CSMD1: variants seen among roughly 807,000 people sequenced by gnomAD.
CSMD1 encodes the protein CUB and Sushi multiple domains 1, also known as CUB and sushi domain-containing protein 1.
Under a neutral mutation model 417.5 loss-of-function variants are expected in CSMD1, and 213 were observed. That is an observed-to-expected ratio of 0.51 (90% CI 0.46 to 0.57). CSMD1 has a LOEUF of 0.57. Ranked by LOEUF, CSMD1 falls within the 20% of genes least tolerant of loss-of-function variation. The pLI is 0.00. For synonymous variants in CSMD1, 2,862 were observed against 1,736.8 expected, an observed-to-expected ratio of 1.65 and a Z score of -16.11; for missense variants, 6,923 against 4,529.7, an observed-to-expected ratio of 1.53 and a Z score of -15.17.
intron 19 of CSMD1, among the ~76,000 whole-genome samples, chr8:3,368,683 T>A (rs11136613): frequency 0.44 from 67,074 of 151,932 alleles, 14,834 homozygotes; most frequent in Admixed American, 0.53. Flanking sequence ...CAGAAAAAAG[T>A]TTCAGGCTAC....
In CSMD1 at chr8:4,907,628, T is replaced by C. The variant is rs1056920896; in HGVS notation, c.85+86704A>G. Among the ~76,000 whole-genome samples the C allele has an allele frequency of 9.2e-5, 14 of 152,248 alleles. 1 individual carries two copies. The South Asian group carries it at 2.1e-3, about 23-fold the overall frequency. On this transcript the variant is annotated intron_variant, in intron 1 of 69. Coordinates refer to ENST00000635120, the MANE Select transcript of CSMD1 (RefSeq NM_033225.6). The stretch of plus-strand genomic sequence containing the variant: ...AAGCTGAAGTGCAGTGGCAAAAACA[T>C]GGCTCACTGCAGCCTCAATTTTCCA...
chr8:2,988,122 A>C (rs1806081421), intron 54 of CSMD1, among the ~76,000 whole-genome samples: 1 of 152,130 alleles, frequency 6.6e-6, no homozygotes, highest in African/African-American at 2.4e-5. Context: ...CTATTTTAAC[A>C]TTTTGAGAAT....
intron 26 of CSMD1, among the ~76,000 whole-genome samples, chr8:3,257,299 G>A (rs980143292): frequency 2.6e-5 from 4 of 152,182 alleles, no homozygotes; most frequent in Non-Finnish European, 2.9e-5. Flanking sequence ...ACTCCAGCCC[G>A]CGCTATAAGA....
At chr8:3,508,931 C>T (rs1312381560) in intron 10 of CSMD1, among the ~76,000 whole-genome samples, 1 of 152,140 alleles carries the variant, frequency 6.6e-6, no homozygotes, top group Non-Finnish European at 1.5e-5. Flanking sequence ...TTTTAAAAGT[C>T]TGAGAACTTA....
intron 3 of CSMD1, among the ~76,000 whole-genome samples, chr8:4,149,171 C>G (rs1209413164): frequency 6.6e-6 from 1 of 152,088 alleles, no homozygotes; most frequent in Admixed American, 6.6e-5. Flanking sequence ...CCCATGTTGG[C>G]TAGGCTGGTC....
intron 5 of CSMD1, among the ~76,000 whole-genome samples, chr8:3,755,614 T>G (rs1337366648): frequency 6.6e-6 from 1 of 152,118 alleles, no homozygotes. Context: ...GGGTCACCTG[T>G]GTAGAGAGCA....
At chr8:3,471,105 G>A (rs1012026072) in intron 11 of CSMD1, among the ~76,000 whole-genome samples, 3 of 152,116 alleles carry the variant, frequency 2.0e-5, no homozygotes, top group Non-Finnish European at 4.4e-5. Flanking sequence ...TTTTTCCCCA[G>A]ACTGTTTGTA....
intron 3 of CSMD1, among the ~76,000 whole-genome samples, chr8:4,069,578 T>C (rs573142705): frequency 6.6e-6 from 1 of 152,176 alleles, no homozygotes; most frequent in Non-Finnish European, 1.5e-5. Context: ...TCCATGCAGA[T>C]GTATCTTGGG....
intron 5 of CSMD1, among the ~76,000 whole-genome samples, chr8:3,970,935 G>C (rs956618187): frequency 2.0e-5 from 3 of 152,046 alleles, no homozygotes; most frequent in Non-Finnish European, 4.4e-5. Flanking sequence ...ATTTTTAGTG[G>C]AGATGAGGTT....
At chr8:3,398,192 T>A (rs1339796046) in intron 16 of CSMD1, among the ~76,000 whole-genome samples, 1 of 152,188 alleles carries the variant, frequency 6.6e-6, no homozygotes, top group African/African-American at 2.4e-5. Flanking sequence ...GATACGCTGC[T>A]GGGAGTCAGG....
At chr8:4,740,233 T>G (rs1810517833) in intron 1 of CSMD1, among the ~76,000 whole-genome samples, 1 of 152,190 alleles carries the variant, frequency 6.6e-6, no homozygotes, top group African/African-American at 2.4e-5. Context: ...TCTTAGAATC[T>G]CTATGTGCAA....
intron 46 of CSMD1, among the ~76,000 whole-genome samples, chr8:3,104,114 C>G (rs775732203): frequency 6.6e-6 from 1 of 152,082 alleles, no homozygotes; most frequent in Non-Finnish European, 1.5e-5. Context: ...GCTAAGATCA[C>G]CTTTAGTTAA....
chr8:4,417,846 A>G (rs1352745900), intron 3 of CSMD1, among the ~76,000 whole-genome samples: 1 of 152,016 alleles, frequency 6.6e-6, no homozygotes, highest in African/African-American at 2.4e-5. Flanking sequence ...CTCTTAATAA[A>G]TTCTGACCTT....
intron 7 of CSMD1, among the ~76,000 whole-genome samples, chr8:3,641,878 G>A (rs535805553): frequency 6.6e-6 from 1 of 152,276 alleles, no homozygotes; most frequent in South Asian, 2.1e-4. Flanking sequence ...TTCATATAAG[G>A]TTTCGCTACA....
rs202157459 is a variant in CSMD1, at chr8:3,189,966, G to T, written c.5344C>A (p.Gln1782Lys). The T allele has an allele frequency of 2.3e-3, 3,694 of 1,599,108 alleles. 7 individuals carry two copies. Among genetic ancestry groups the T allele is most frequent in the Middle Eastern group, 6.8e-3 (41 of 6,042 alleles). The change falls in exon 34 of 70, where the codon CAG (glutamine) becomes AAG (lysine). Residue 1782 changes from glutamine to lysine, a missense_variant. By Grantham distance (53) the Gln-to-Lys change is moderately conservative. Coordinates refer to ENST00000635120, the MANE Select transcript of CSMD1 (RefSeq NM_033225.6). ...LLQGSTALHCQSVPNALAQWN... is the reference protein window; with the variant it reads ...LLQGSTALHCKSVPNALAQWN... ...TGTGCCAAGGCGTTGGGCACGGACT[G>T]GCAGTGGAGCGCCGTGGAACCCTGA...
intron 5 of CSMD1, among the ~76,000 whole-genome samples, chr8:3,979,870 G>T (rs1271503240): frequency 1.3e-5 from 2 of 152,264 alleles, no homozygotes; most frequent in African/African-American, 4.8e-5. Flanking sequence ...TTATACTGTA[G>T]ACAGTCACAA....
intron 1 of CSMD1, among the ~76,000 whole-genome samples, chr8:4,735,540 T>C (rs898712532): frequency 7.9e-5 from 12 of 152,174 alleles, no homozygotes; most frequent in Admixed American, 2.6e-4. Context: ...AATTCACCTT[T>C]TTAAGGTCTC....
chr8:4,891,162 T>C (rs114940819), intron 1 of CSMD1, among the ~76,000 whole-genome samples: 2 of 152,114 alleles, frequency 1.3e-5, no homozygotes. Context: ...TTTGAGTCAA[T>C]GAGATTTCTG....
intron 2 of CSMD1, among the ~76,000 whole-genome samples, chr8:4,448,359 A>T (rs182300718): frequency 6.6e-6 from 1 of 152,192 alleles, no homozygotes. Flanking sequence ...TAACTCAATT[A>T]ACAGGGAATA....
Sources: gnomAD v4.1 joint callset for allele counts (sites outside exome capture counted in the v4.1 genomes callset) on GRCh38, gnomAD v4.1.1 for gene constraint, MANE v1.5 for transcripts, NCBI Gene and HGNC (gene_info 2026-07-23, HGNC 2026-07-21) for gene names.